Variants in KALRN observed in about 807,000 individuals in gnomAD.
KALRN encodes the protein kalirin.
Under a neutral mutation model 353.7 loss-of-function variants are expected in KALRN, and 70 were observed. That is an observed-to-expected ratio of 0.20 (90% CI 0.16 to 0.24). The LOEUF (loss-of-function observed/expected upper bound fraction) is 0.24, where lower values mean the gene tolerates loss of function less well. KALRN is among the 10% of genes least tolerant of loss of function. KALRN has a pLI of 1.00. For synonymous variants in KALRN, 1,391 were observed against 1,434.8 expected, an observed-to-expected ratio of 0.97 and a Z score of 0.69; for missense variants, 2,791 against 3,756.7, an observed-to-expected ratio of 0.74 and a Z score of 6.72.
chr3:124,477,405 A>G (rs1037298502), intron 27 of KALRN, 71 bp downstream of exon 27: 3 of 1,129,746 alleles, frequency 2.7e-6, no homozygotes, highest in Admixed American at 1.8e-5. Context: ...GGCATAATGG[A>G]TGGATATTTA....
chr3:124,293,749 A>AT (rs145973771), intron 5 of KALRN, among the ~76,000 whole-genome samples: 39,736 of 152,026 alleles, frequency 0.26, 6,878 homozygotes, highest in Non-Finnish European at 0.38. Flanking sequence ...TCTTTGTAGA[A>AT]TTTTTTTTGT....
intron 46 of KALRN, 25 bp downstream of exon 46, chr3:124,666,659 A>G: frequency 5.6e-6 from 9 of 1,603,990 alleles, no homozygotes; most frequent in Non-Finnish European, 7.7e-6. Flanking sequence ...GGTGATGAGA[A>G]GAGGCAAGGA....
intron 17 of KALRN, among the ~76,000 whole-genome samples, chr3:124,437,689 CAAAAAAAAAAA>C (rs397876079): frequency 2.1e-4 from 10 of 48,332 alleles, no homozygotes; most frequent in East Asian, 7.0e-4. Flanking sequence ...GATTCCGTCT[CAAAAAAAAAAA>C]AAAAAAAAAA....
At chr3:124,628,756 T>C (rs1342796601) in intron 34 of KALRN, among the ~76,000 whole-genome samples, 1 of 62,956 alleles carries the variant, frequency 1.6e-5, no homozygotes, top group Non-Finnish European at 3.8e-5. Context: ...TTTTTTTTTT[T>C]TTTTTTTTTT....
chr3:124,057,841 A>G (rs1197260265), intron 1 of KALRN, among the ~76,000 whole-genome samples: 2 of 152,142 alleles, frequency 1.3e-5, no homozygotes, highest in Non-Finnish European at 2.9e-5. Flanking sequence ...TGGGGTTTCA[A>G]CTTGAGGGGT....
intron 1 of KALRN, among the ~76,000 whole-genome samples, chr3:124,135,327 G>A (rs2065799915): frequency 6.6e-6 from 1 of 152,146 alleles, no homozygotes; most frequent in African/African-American, 2.4e-5. Flanking sequence ...GCTAAGCTAT[G>A]AGGACACAAA....
rs1020017096 is a variant in KALRN, at chr3:124,725,986, A to T, written c.*6516A>T. ...GATTTAAAATCACTCCACAGTATTG[A>T]TAAATAGCTCTATATTTTCAAGGTG... On this transcript the variant is annotated 3_prime_UTR_variant, in exon 60 of 60. Coordinates refer to ENST00000682506, the MANE Select transcript of KALRN (RefSeq NM_001388419.1). 6.6e-6 allele frequency: 1 copy of T among 152,230 alleles called. No individual in the cohort carries two copies. Among genetic ancestry groups the T allele is most frequent in the Non-Finnish European group, 1.5e-5 (1 of 68,048 alleles). 9.4% of individuals were successfully genotyped at this position (152,230 alleles called of 1,614,324 possible).
At chr3:124,192,842 C>G (rs2075071802) in intron 1 of KALRN, among the ~76,000 whole-genome samples, 1 of 152,166 alleles carries the variant, frequency 6.6e-6, no homozygotes, top group African/African-American at 2.4e-5. Context: ...GTTTCTAAAA[C>G]CATGTAAAAT....
chr3:124,691,961 C>G (rs11707153), intron 51 of KALRN, among the ~76,000 whole-genome samples: 3,317 of 152,302 alleles, frequency 0.022, 63 homozygotes, highest in East Asian at 0.079. Context: ...ATCCACTCCC[C>G]CATCCCACCC....
intron 1 of KALRN, among the ~76,000 whole-genome samples, chr3:124,218,799 C>T (rs2077590690): frequency 6.6e-6 from 1 of 152,198 alleles, no homozygotes; most frequent in South Asian, 2.1e-4. Flanking sequence ...GAAGAATAAA[C>T]AGAAATGGTT....
chr3:124,269,908 A>G (rs1337731927), intron 5 of KALRN, among the ~76,000 whole-genome samples: 1 of 152,222 alleles, frequency 6.6e-6, no homozygotes, highest in African/African-American at 2.4e-5. Context: ...TCTTCCTGCC[A>G]TACCCACTTG....
intron 3 of KALRN, among the ~76,000 whole-genome samples, chr3:124,243,449 G>T (rs1274318531): frequency 2.0e-5 from 3 of 152,210 alleles, no homozygotes; most frequent in African/African-American, 7.2e-5. Flanking sequence ...AGCAGCCCTG[G>T]TTATTCCAGG....
intron 3 of KALRN, among the ~76,000 whole-genome samples, chr3:124,255,159 G>A (rs2071764118): frequency 6.6e-6 from 1 of 152,060 alleles, no homozygotes; most frequent in Admixed American, 6.6e-5. Flanking sequence ...GGCCAGGCTG[G>A]TCTTGAACTC....
chr3:124,384,685 A>G (rs2087926115), intron 10 of KALRN, 160 bp from the exon 11 acceptor site: 4 of 595,338 alleles, frequency 6.7e-6, no homozygotes, highest in Non-Finnish European at 1.1e-5. Flanking sequence ...TCGCTTGCTG[A>G]GAGGCGGCGT....
At chr3:124,363,133 G>A (rs2084249147) in intron 10 of KALRN, among the ~76,000 whole-genome samples, 1 of 152,134 alleles carries the variant, frequency 6.6e-6, no homozygotes, top group South Asian at 2.1e-4. Context: ...ATAGTATAAA[G>A]TTTGGGATTT....
At chr3:124,584,986 G>GGTGGT in intron 34 of KALRN, 1 of 1,102,434 alleles carries the variant, frequency 9.1e-7, no homozygotes, top group Non-Finnish European at 1.3e-6. Context: ...GGTAGGGAGG[G>GGTGGT]AAGGGTTGGG....
At chr3:124,421,216 AGATCTAAG>A (rs372113307) in intron 14 of KALRN, among the ~76,000 whole-genome samples, 220 of 152,338 alleles carry the variant, frequency 1.4e-3, no homozygotes, top group African/African-American at 4.9e-3. Context: ...GGATTTTCCT[AGATCTAAG>A]GATCTGAACA....
chr3:124,097,573 TGGAGGA>T lies in KALRN; in HGVS notation c.73+63761_73+63766del, dbSNP rs1322967081. On this transcript the variant is annotated intron_variant, in intron 1 of 59. Transcript: ENST00000682506. ...CCTGAGTCACTCACTTGGCTGTGACTGGAGGATAAGTGAATCTGTGATTTGACACAC... is the reference window on the plus strand; with the variant it reads ...CCTGAGTCACTCACTTGGCTGTGACTTAAGTGAATCTGTGATTTGACACAC... Among the ~76,000 whole-genome samples, 43 of 152,320 alleles carry T rather than the reference TGGAGGA, an allele frequency of 2.8e-4. 1 individual carries two copies. Among genetic ancestry groups the T allele is most frequent in the Admixed American group, 2.7e-3 (41 of 15,298 alleles).
intron 8 of KALRN, among the ~76,000 whole-genome samples, chr3:124,332,061 G>A (rs151143168): frequency 8.4e-4 from 128 of 152,194 alleles, no homozygotes; most frequent in African/African-American, 2.9e-3. Flanking sequence ...TCTCTGGTGG[G>A]CATCACCTCT....
Sources: allele counts gnomAD v4.1 joint callset (sites outside exome capture counted in the v4.1 genomes callset), GRCh38; gene constraint gnomAD v4.1.1; transcripts MANE v1.5; gene names NCBI Gene and HGNC (gene_info 2026-07-23, HGNC 2026-07-21).